The following CORO7 variants were observed in gnomAD, a reference collection of about 807,000 sequenced individuals.
The protein encoded by CORO7 is coronin 7.
Under a neutral mutation model 126.6 loss-of-function variants are expected in CORO7, and 107 were observed. That is an observed-to-expected ratio of 0.85 (90% confidence interval 0.72 to 0.99). CORO7 has a LOEUF of 0.99. CORO7 is among the 50% of genes least tolerant of loss of function. The pLI is 0.00. For synonymous variants in CORO7, 603 were observed against 536.8 expected, an observed-to-expected ratio of 1.12 and a Z score of -1.70; for missense variants, 1,314 against 1,255.8, an observed-to-expected ratio of 1.05 and a Z score of -0.70.
Position 4,359,599 on chromosome 16 carries a change from G to A in CORO7, c.2131C>T (p.Leu711=). The A allele has an allele frequency of 6.2e-7, 1 of 1,604,442 alleles. No individual in the cohort carries two copies. Among genetic ancestry groups the A allele is most frequent in the Non-Finnish European group, 8.5e-7 (1 of 1,173,770 alleles). The change falls in exon 22 of 28, where the codon CTA becomes TTA. Residue 711 remains leucine, a synonymous_variant. Coordinates refer to ENST00000251166, the MANE Select transcript of CORO7 (RefSeq NM_024535.5). ...FDSQSERQLL[L]YEAEALAGGP... ...CCGGCCAGGGCCTCAGCTTCATATA[G>A]GAGCAGCTGGCGCTCACTTTGGCTG... is the stretch of plus-strand genomic sequence containing the variant.
intron 9 of CORO7, among the ~76,000 whole-genome samples, chr16:4,369,052 C>T (rs1334529250): frequency 2.6e-5 from 4 of 152,254 alleles, no homozygotes; most frequent in African/African-American, 9.6e-5. Flanking sequence ...AGGCCTGGTG[C>T]TCAGCCTCCC....
chr16:4,381,115 C>T (rs978315512), intron 9 of CORO7: 10 of 1,609,412 alleles, frequency 6.2e-6, no homozygotes, highest in Non-Finnish European at 8.5e-6. Context: ...GGGCCTGCAG[C>T]TCCTGGACCT....
At chr16:4,387,838 G>T in intron 9 of CORO7, 148 bp downstream of exon 9, 1 of 960,528 alleles carries the variant, frequency 1.0e-6, no homozygotes, top group Non-Finnish European at 1.6e-6. Flanking sequence ...AGGGCCAGGT[G>T]TCTGTTGCAA....
At chr16:4,382,269 G>A (rs1300297021) in intron 9 of CORO7, 1 of 1,608,736 alleles carries the variant, frequency 6.2e-7, no homozygotes, top group South Asian at 1.1e-5. Flanking sequence ...CACGGTCCCT[G>A]ACCCTGGGCA....
intron 4 of CORO7, 102 bp downstream of exon 4, chr16:4,408,079 G>A: frequency 6.4e-7 from 1 of 1,551,940 alleles, no homozygotes; most frequent in Non-Finnish European, 8.8e-7. Flanking sequence ...GGTGGGGCTG[G>A]ACTGGGAGGC....
intron 7 of CORO7, among the ~76,000 whole-genome samples, chr16:4,389,604 G>C (rs2055316680): frequency 6.6e-6 from 1 of 152,214 alleles, no homozygotes; most frequent in South Asian, 2.1e-4. Flanking sequence ...CCTTCGAGGG[G>C]CTTTTCTCAC....
In CORO7 at chr16:4,355,314, G is replaced by A; in HGVS notation, c.2744C>T (p.Ser915Phe). The A allele has an allele frequency of 2.5e-6, 4 of 1,613,386 alleles. No individual in the cohort carries two copies. The highest frequency in any genetic ancestry group is 3.4e-6 in the Non-Finnish European group (4 of 1,179,980). ...CTCGTCCTCGTCCACGCCTTCAAAG[G>A]AGTCCTGGGGGAGTGGGTCCTCCCG... ...GNREDPLPQD[S>F]FEGVDEDEWD The change falls in exon 27 of 28, where the codon TCC becomes TTC. Residue 915 changes from serine to phenylalanine, a missense_variant. Physicochemically the swap from Ser to Phe is radical, Grantham distance 155 (BLOSUM62 -2). Coordinates refer to ENST00000251166, the MANE Select transcript of CORO7 (RefSeq NM_024535.5).
In CORO7 at chr16:4,364,387, G is replaced by A. The variant is rs778668279; in HGVS notation, c.1164C>T (p.Ala388=). 12 of 1,512,656 alleles carry A rather than the reference G, an allele frequency of 7.9e-6. No homozygotes were observed. The highest frequency in any genetic ancestry group is 1.1e-5 in the Non-Finnish European group (12 of 1,133,014). The allele number at this position is 1,512,656 out of a possible 1,614,324, so 93.7% of individuals were successfully genotyped here. The stretch of plus-strand genomic sequence containing the variant: ...AAGTGAAGCTCGGGTGGGGCCGGCA[G>A]GCGGGGTTGAGGCTGACCTTCTGCA... ...QQVQKVSLNP[A]CRPHPSFTSC... The change falls in exon 14 of 28, where the codon GCC becomes GCT. Residue 388 remains alanine, a synonymous_variant. Coordinates refer to ENST00000251166, the MANE Select transcript of CORO7 (RefSeq NM_024535.5).
In CORO7 at chr16:4,360,568, TGA is replaced by T. The variant is rs1567245818; in HGVS notation, c.1918-22_1918-21del. 1 of 1,578,002 alleles carries T rather than the reference TGA, an allele frequency of 6.3e-7. No individual in the cohort carries two copies. The highest frequency in any genetic ancestry group is 1.4e-5 in the African/African-American group (1 of 73,866). ...GAAGATCTGGGGGCAGGAAGGGATA[TGA>T]GAGACAGCCTTGCTTCACTGCTGGC... On this transcript the variant is annotated intron_variant, in intron 19 of 27. Transcript: ENST00000251166.
chr16:4,361,306 G>A, intron 17 of CORO7, 55 bp downstream of exon 17: 1 of 1,610,284 alleles, frequency 6.2e-7, no homozygotes, highest in South Asian at 1.1e-5. Context: ...GGGCTCCCCA[G>A]CCCCTATCCG....
intron 3 of CORO7, among the ~76,000 whole-genome samples, chr16:4,411,023 G>A (rs2056187107): frequency 1.3e-5 from 2 of 152,200 alleles, no homozygotes; most frequent in African/African-American, 2.4e-5. Context: ...AGGGGCATGC[G>A]GGATCTTTTG....
intron 6 of CORO7, among the ~76,000 whole-genome samples, chr16:4,396,457 A>T (rs922994454): frequency 2.6e-5 from 4 of 152,152 alleles, no homozygotes; most frequent in African/African-American, 9.7e-5. Context: ...ATCAACAAAA[A>T]TCTCCATTTG....
At chr16:4,398,917 G>C (rs1454966299) in intron 6 of CORO7, among the ~76,000 whole-genome samples, 2 of 150,854 alleles carry the variant, frequency 1.3e-5, no homozygotes, top group African/African-American at 4.9e-5. Context: ...GCAGTGAGCT[G>C]AGATGGCACC....
At chr16:4,364,075 A>G (rs1208279379) in intron 14 of CORO7, among the ~76,000 whole-genome samples, 1 of 152,050 alleles carries the variant, frequency 6.6e-6, no homozygotes, top group Non-Finnish European at 1.5e-5. Flanking sequence ...AATCCCAGCT[A>G]CTCGGGAGGC....
At chr16:4,373,846 G>A (rs1211485423) in intron 9 of CORO7, among the ~76,000 whole-genome samples, 1 of 152,148 alleles carries the variant, frequency 6.6e-6, no homozygotes, top group South Asian at 2.1e-4. Flanking sequence ...AGTGAGCAGA[G>A]GTGTGTAGAG....
chr16:4,395,405 C>T (rs1220055516), intron 6 of CORO7, 66 bp from the exon 7 acceptor site: 8 of 1,600,552 alleles, frequency 5.0e-6, no homozygotes, highest in Non-Finnish European at 6.0e-6. Flanking sequence ...AGCCAGCCTG[C>T]TCCCCTCACC....
Position 4,359,899 on chromosome 16 carries a change from C to T in CORO7, c.2109-278G>A, listed in dbSNP as rs1342212786. The stretch of plus-strand genomic sequence containing the variant: ...CCCTTGTGCACCCCTGCATCTATCT[C>T]CCCCCAACCCCTCACCCACCCCTCT... On this transcript the variant is annotated intron_variant, in intron 21 of 27. Transcript: ENST00000251166. Among the ~76,000 whole-genome samples, 5 of 142,266 alleles carry T rather than the reference C, an allele frequency of 3.5e-5. No homozygotes were observed. In the Admixed American group the frequency reaches 3.6e-4, roughly 10 times the overall value. The allele number at this position is 142,266 out of a possible 152,430, so 93.3% of individuals were successfully genotyped here. A position where few individuals can be genotyped will look rare whatever the true frequency, so the allele number is the denominator to read the frequency against.
At chr16:4,412,481 C>T in intron 2 of CORO7, 51 bp from the exon 3 acceptor site, 1 of 1,596,940 alleles carries the variant, frequency 6.3e-7, no homozygotes, top group East Asian at 2.2e-5. Context: ...GGGCCACCCA[C>T]CTCCTTGCCC....
intron 6 of CORO7, chr16:4,397,325 C>T (rs1266981252): frequency 6.6e-6 from 1 of 151,882 alleles, no homozygotes; most frequent in Non-Finnish European, 1.5e-5. Flanking sequence ...CACCTGTAAT[C>T]CCAGCTACTC....
Sources: allele counts gnomAD v4.1 joint callset (sites outside exome capture counted in the v4.1 genomes callset), GRCh38; gene constraint gnomAD v4.1.1; transcripts MANE v1.5; gene names NCBI Gene and HGNC (gene_info 2026-07-23, HGNC 2026-07-21).